GPR39: variants seen among roughly 807,000 people sequenced by gnomAD.
GPR39 encodes the protein G protein-coupled receptor 39, also known as zinc sensing receptor.
In GPR39, 23 loss-of-function variants were observed where a neutral mutation model predicts 18.4. The observed-to-expected ratio is 1.25, with a 90% CI of 0.90 to 1.77. The LOEUF is 1.77. GPR39 is among the 40% of genes most tolerant of loss of function. The probability of loss-of-function intolerance (pLI) is 0.00; values close to 1 mark genes in which losing one functional copy is unlikely to be tolerated. For synonymous variants in GPR39, 280 were observed against 257.9 expected (o/e 1.09, Z -0.82); for missense variants, 647 against 602.4 (o/e 1.07, Z -0.78).
chr2:132,624,117 A>G (rs1286801879), intron 1 of GPR39, among the ~76,000 whole-genome samples: 2 of 152,188 alleles, frequency 1.3e-5, no homozygotes, highest in Non-Finnish European at 2.9e-5. Flanking sequence ...TTGTCTCACA[A>G]TTCCGGAGGC....
At chr2:132,481,785 A>C (rs1329892391) in intron 1 of GPR39, among the ~76,000 whole-genome samples, 2 of 152,218 alleles carry the variant, frequency 1.3e-5, no homozygotes, top group African/African-American at 4.8e-5. Flanking sequence ...TCTTGGAGGC[A>C]GTTCCTTAAT....
chr2:132,491,565 A>G (rs1259482774), intron 1 of GPR39, among the ~76,000 whole-genome samples: 1 of 151,898 alleles, frequency 6.6e-6, no homozygotes, highest in East Asian at 1.9e-4. Flanking sequence ...CAATGACCAA[A>G]GGCTTGAAAT....
At chr2:132,488,549 C>T (rs1017463287) in intron 1 of GPR39, 32 of 153,560 alleles carry the variant, frequency 2.1e-4, no homozygotes, top group African/African-American at 7.2e-4. Flanking sequence ...GGTAAGCCCA[C>T]ATTTACTCAG....
At chr2:132,482,321 C>A (rs1681250603) in intron 1 of GPR39, among the ~76,000 whole-genome samples, 1 of 152,182 alleles carries the variant, frequency 6.6e-6, no homozygotes, top group Non-Finnish European at 1.5e-5. Flanking sequence ...CAGATTTTTA[C>A]ACTCATGTTT....
intron 1 of GPR39, among the ~76,000 whole-genome samples, chr2:132,428,154 C>T (rs189373871): frequency 6.6e-6 from 1 of 152,008 alleles, no homozygotes; most frequent in African/African-American, 2.4e-5. Context: ...CTGGGGTTTT[C>T]CTCATTATTG....
intron 1 of GPR39, among the ~76,000 whole-genome samples, chr2:132,514,921 T>C (rs1373154634): frequency 6.6e-6 from 1 of 152,184 alleles, no homozygotes; most frequent in African/African-American, 2.4e-5. Context: ...ACCTCTCCCA[T>C]GGTCACCCTA....
At chr2:132,573,969 G>T (rs946277635) in intron 1 of GPR39, among the ~76,000 whole-genome samples, 2 of 152,164 alleles carry the variant, frequency 1.3e-5, no homozygotes, top group Non-Finnish European at 1.5e-5. Context: ...AGAAATTAAA[G>T]CTAGAGCACT....
Position 132,646,025 on chromosome 2 carries a change from G to C in GPR39, c.*419G>C. On this transcript the variant is annotated 3_prime_UTR_variant, in exon 2 of 2. Transcript: ENST00000329321. ...AGGGCTGGAAGAACAATGCAGGAGG[G>C]GGTGGCATCTCCTTCAGCTTCAGCA... is the stretch of plus-strand genomic sequence containing the variant. The C allele has an allele frequency of 2.0e-6, 3 of 1,502,460 alleles. No homozygotes were observed. The highest frequency in any genetic ancestry group is 2.7e-6 in the Non-Finnish European group (3 of 1,114,408). The allele number at this position is 1,502,460 out of a possible 1,614,324, so 93.1% of individuals were successfully genotyped here. A position where few individuals can be genotyped will look rare whatever the true frequency, so the allele number is the denominator to read the frequency against.
At chr2:132,575,858 G>A (rs1274856937) in intron 1 of GPR39, among the ~76,000 whole-genome samples, 1 of 152,182 alleles carries the variant, frequency 6.6e-6, no homozygotes, top group Non-Finnish European at 1.5e-5. Flanking sequence ...ATGGAGCTTT[G>A]AGTGGTGGTT....
chr2:132,459,974 A>C (rs1306914097), intron 1 of GPR39, among the ~76,000 whole-genome samples: 2 of 152,206 alleles, frequency 1.3e-5, no homozygotes, highest in Admixed American at 1.3e-4. Flanking sequence ...GTCATGTTCC[A>C]GAGTATCAGA....
At chr2:132,617,055 CTATT>C (rs759666319) in intron 1 of GPR39, among the ~76,000 whole-genome samples, 8 of 152,158 alleles carry the variant, frequency 5.3e-5, no homozygotes, top group Non-Finnish European at 1.2e-4. Flanking sequence ...TTCTCTTTCT[CTATT>C]TAATAGTGCA....
At position 132,646,118 on chromosome 2, in the gene GPR39, G is replaced by C. The variant is rs1400972426; in HGVS notation, c.*512G>C. 1.9e-6 allele frequency: 3 copies of C among 1,609,356 alleles called. No homozygotes were observed. In the African/African-American group the frequency reaches 4.0e-5, roughly 22 times the overall value. On this transcript the variant is annotated 3_prime_UTR_variant, in exon 2 of 2. Transcript: ENST00000329321. ...GCGGAGCCCTGGCCTGAGGGCCGAGGCAGAACTTCCCCTTTTCTTGGGCCT... is the reference window on the plus strand; with the variant it reads ...GCGGAGCCCTGGCCTGAGGGCCGAGCCAGAACTTCCCCTTTTCTTGGGCCT...
chr2:132,595,838 T>C (rs144376376), intron 1 of GPR39, among the ~76,000 whole-genome samples: 1 of 152,312 alleles, frequency 6.6e-6, no homozygotes, highest in Non-Finnish European at 1.5e-5. Flanking sequence ...AGGTTTCTAA[T>C]GAAAGTGCTA....
chr2:132,526,905 T>C (rs533807276), intron 1 of GPR39, among the ~76,000 whole-genome samples: 2 of 152,378 alleles, frequency 1.3e-5, no homozygotes, highest in Admixed American at 6.5e-5. Flanking sequence ...ACCCTTTTTT[T>C]AAAATTAATT....
chr2:132,564,983 A>AT (rs1337562177), intron 1 of GPR39, among the ~76,000 whole-genome samples: 2 of 150,652 alleles, frequency 1.3e-5, no homozygotes, highest in African/African-American at 4.9e-5. Context: ...TGCCTGGCTA[A>AT]TTTTTCTGTA....
At chr2:132,503,978 A>G (rs1309572693) in intron 1 of GPR39, among the ~76,000 whole-genome samples, 1 of 152,300 alleles carries the variant, frequency 6.6e-6, no homozygotes, top group African/African-American at 2.4e-5. Context: ...GTCTATTTCC[A>G]GGCAGCTGAT....
intron 1 of GPR39, among the ~76,000 whole-genome samples, chr2:132,464,864 C>T (rs1000100825): frequency 5.9e-5 from 9 of 152,122 alleles, no homozygotes; most frequent in Non-Finnish European, 1.0e-4. Flanking sequence ...TTCTCTTACA[C>T]GTTTTGTCTT....
intron 1 of GPR39, among the ~76,000 whole-genome samples, chr2:132,605,551 G>A (rs1681120117): frequency 6.6e-6 from 1 of 152,170 alleles, no homozygotes; most frequent in Non-Finnish European, 1.5e-5. Flanking sequence ...TCGCTGGCCT[G>A]GGAAGCTGCA....
intron 1 of GPR39, among the ~76,000 whole-genome samples, chr2:132,554,791 C>A (rs533942571): frequency 6.6e-6 from 1 of 152,320 alleles, no homozygotes; most frequent in South Asian, 2.1e-4. Flanking sequence ...TAGATATGCG[C>A]TATCTCTTAA....
Sources: gnomAD v4.1 joint callset for allele counts (sites outside exome capture counted in the v4.1 genomes callset) on GRCh38, gnomAD v4.1.1 for gene constraint, MANE v1.5 for transcripts, NCBI Gene and HGNC (gene_info 2026-07-23, HGNC 2026-07-21) for gene names.